Variants in SPIDR observed in about 807,000 individuals in gnomAD.
SPIDR encodes DNA repair-scaffolding protein.
A neutral mutation model predicts 104.6 loss-of-function variants in SPIDR; 93 were observed. The ratio of observed to expected loss-of-function variants is 0.89; its 90% CI spans 0.75 to 1.06. The LOEUF (loss-of-function observed/expected upper bound fraction) is 1.06. Ranked by LOEUF, SPIDR falls within the 50% of genes least tolerant of loss-of-function variation. The pLI, the probability that SPIDR is intolerant of heterozygous loss-of-function variation, is 0.00. For missense variants in SPIDR, 1,154 were observed against 1,111.2 expected, an observed-to-expected ratio of 1.04 and a Z score of -0.55; for synonymous variants, 431 against 416.9, an observed-to-expected ratio of 1.03 and a Z score of -0.41.
chr8:47,440,673 G>T, intron 8 of SPIDR, 131 bp downstream of exon 8: 1 of 887,552 alleles, frequency 1.1e-6, no homozygotes, highest in Non-Finnish European at 1.7e-6. Context: ...AGGATTGGAC[G>T]TGGGTTTTCT....
At chr8:47,597,403 T>C (rs2061744357) in intron 9 of SPIDR, among the ~76,000 whole-genome samples, 1 of 152,044 alleles carries the variant, frequency 6.6e-6, no homozygotes, top group East Asian at 1.9e-4. Context: ...TGTGTGATCT[T>C]CCCCTTCCTG....
rs1461188863 is a variant in SPIDR at position 47,490,720 on chromosome 8, A to G, written c.1097+50178A>G. Among the ~76,000 whole-genome samples the G allele has an allele frequency of 2.0e-5, 3 of 152,216 alleles. No homozygotes were observed. In the East Asian group the frequency reaches 5.8e-4, roughly 29 times the overall value. On this transcript the variant is annotated intron_variant, in intron 8 of 19. Coordinates refer to ENST00000297423, the MANE Select transcript of SPIDR (RefSeq NM_001080394.4). The stretch of plus-strand genomic sequence containing the variant: ...AGGGACATGGGTGAAGCTGGAAACC[A>G]TCATTCTCAGCAAACTATCGCAAGG...
chr8:47,443,571 CA>C (rs782463880), intron 8 of SPIDR, among the ~76,000 whole-genome samples: 153 of 30,162 alleles, frequency 5.1e-3, no homozygotes, highest in South Asian at 0.03. Context: ...ACCCTGTCGC[CA>C]AAAAAAAAAA....
intron 14 of SPIDR, among the ~76,000 whole-genome samples, chr8:47,709,524 C>T (rs2081550289): frequency 6.6e-6 from 1 of 152,220 alleles, no homozygotes; most frequent in Non-Finnish European, 1.5e-5. Context: ...GATCCACCCA[C>T]CTTGGCCTCC....
intron 5 of SPIDR, among the ~76,000 whole-genome samples, chr8:47,309,401 A>G (rs1253992556): frequency 6.6e-6 from 1 of 152,222 alleles, no homozygotes; most frequent in Non-Finnish European, 1.5e-5. Flanking sequence ...TTAGTATAGC[A>G]TTTTCGGGCT....
chr8:47,273,814 A>G (rs1439941209), intron 1 of SPIDR, among the ~76,000 whole-genome samples: 3 of 152,156 alleles, frequency 2.0e-5, no homozygotes, highest in Non-Finnish European at 4.4e-5. Flanking sequence ...GGCTGGTCTC[A>G]AATTCAGGCT....
At chr8:47,642,348 G>A (rs2069223197) in intron 10 of SPIDR, among the ~76,000 whole-genome samples, 3 of 151,762 alleles carry the variant, frequency 2.0e-5, no homozygotes, top group Admixed American at 1.3e-4. Flanking sequence ...CCCAGGAGGT[G>A]GAGGTTGCTG....
At chr8:47,301,161 T>C (rs7830392) in intron 5 of SPIDR, among the ~76,000 whole-genome samples, 4,567 of 152,210 alleles carry the variant, frequency 0.03, 211 homozygotes, top group African/African-American at 0.1. Context: ...TTTAGGATAG[T>C]TAGCTCTTCT....
intron 8 of SPIDR, among the ~76,000 whole-genome samples, chr8:47,515,930 C>A (rs1420134653): frequency 6.6e-6 from 1 of 152,214 alleles, no homozygotes; most frequent in Non-Finnish European, 1.5e-5. Flanking sequence ...CTGCCTCAGC[C>A]TCCTGAGTAG....
intron 8 of SPIDR, among the ~76,000 whole-genome samples, chr8:47,486,752 G>A (rs1229098037): frequency 1.3e-5 from 2 of 152,118 alleles, no homozygotes; most frequent in Non-Finnish European, 2.9e-5. Context: ...GCCAAACTAC[G>A]CTTCATAAGT....
intron 11 of SPIDR, among the ~76,000 whole-genome samples, chr8:47,685,002 T>A (rs549659568): frequency 5.3e-5 from 8 of 152,308 alleles, no homozygotes; most frequent in Non-Finnish European, 8.8e-5. Context: ...GTGGATCACC[T>A]GAGGTCAGAG....
chr8:47,729,508 G>T, intron 19 of SPIDR, 43 bp downstream of exon 19: 1 of 1,562,410 alleles, frequency 6.4e-7, no homozygotes, highest in Non-Finnish European at 8.7e-7. Flanking sequence ...ACACTCAGTA[G>T]CCTGCATGAG....
chr8:47,331,989 C>CTTTTTTT (rs1289524835), intron 5 of SPIDR, among the ~76,000 whole-genome samples: 2 of 36,322 alleles, frequency 5.5e-5, no homozygotes, highest in African/African-American at 8.9e-5. Flanking sequence ...TTTTTTTTCT[C>CTTTTTTT]TTTTTTTTTT....
intron 8 of SPIDR, chr8:47,592,412 C>T: frequency 7.0e-7 from 1 of 1,426,486 alleles, no homozygotes; most frequent in Non-Finnish European, 9.9e-7. Flanking sequence ...GTAGGGGCTG[C>T]CATTGAGTAT....
chr8:47,343,814 A>C (rs1554615563), intron 5 of SPIDR, among the ~76,000 whole-genome samples: 3 of 152,110 alleles, frequency 2.0e-5, no homozygotes, highest in African/African-American at 7.2e-5. Context: ...TTAAGAATAC[A>C]GGGAGGATCA....
rs1165182660 is a variant in SPIDR at position 47,735,336 on chromosome 8, G to T, written c.2634G>T (p.Lys878Asn). 1 of 1,613,748 alleles carries T rather than the reference G, an allele frequency of 6.2e-7. No homozygotes were observed. The highest frequency in any genetic ancestry group is 8.5e-7 in the Non-Finnish European group (1 of 1,179,896). Reference protein sequence around the residue: ...GSYEVKSVLGKEVGLLNCFVQ... With the variant: ...GSYEVKSVLGNEVGLLNCFVQ... Reference sequence around the variant, plus strand: ...ACGAAGTGAAGAGTGTCCTCGGAAAGGAAGTGGGGTTGTTAAATTGTTTTG... The same window carrying T: ...ACGAAGTGAAGAGTGTCCTCGGAAATGAAGTGGGGTTGTTAAATTGTTTTG... The change falls in exon 20 of 20, where the codon AAG becomes AAT. Residue 878 changes from lysine (K) to asparagine (N), a missense_variant. Lys to Asn is a moderately conservative substitution (Grantham distance 94). Transcript: ENST00000297423.
At chr8:47,320,895 C>G (rs182440128) in intron 5 of SPIDR, among the ~76,000 whole-genome samples, 24 of 152,278 alleles carry the variant, frequency 1.6e-4, no homozygotes, top group Admixed American at 1.6e-3. Flanking sequence ...CAAAATTTAA[C>G]AACCCTTCAT....
intron 8 of SPIDR, among the ~76,000 whole-genome samples, chr8:47,460,605 G>A (rs1554712817): frequency 6.6e-6 from 1 of 151,990 alleles, no homozygotes; most frequent in African/African-American, 2.4e-5. Flanking sequence ...TATCCATTCT[G>A]CTATTCTGTT....
At chr8:47,455,428 A>C (rs1554709203) in intron 8 of SPIDR, among the ~76,000 whole-genome samples, 1 of 152,124 alleles carries the variant, frequency 6.6e-6, no homozygotes, top group African/African-American at 2.4e-5. Context: ...CACAAAAAAA[A>C]CAGAAAAATA....
Sources: allele counts gnomAD v4.1 joint callset (sites outside exome capture counted in the v4.1 genomes callset), GRCh38; gene constraint gnomAD v4.1.1; transcripts MANE v1.5; gene names NCBI Gene and HGNC (gene_info 2026-07-23, HGNC 2026-07-21).